Variants in EPHA10 observed in about 807,000 individuals in gnomAD.
EPHA10 encodes the protein ephrin type-A receptor 10.
In EPHA10, 120 loss-of-function variants were observed where a neutral mutation model predicts 109.7. The ratio of observed to expected loss-of-function variants is 1.09; its 90% CI spans 0.94 to 1.27. The LOEUF (loss-of-function observed/expected upper bound fraction) is 1.27. Ranked by LOEUF, EPHA10 falls within the 50% of genes most tolerant of loss-of-function variation. The pLI, the probability that EPHA10 is intolerant of heterozygous loss-of-function variation, is 0.00. For synonymous variants in EPHA10, 640 were observed against 618.9 expected, an observed-to-expected ratio of 1.03 and a Z score of -0.51; for missense variants, 1,396 against 1,411.1, an observed-to-expected ratio of 0.99 and a Z score of 0.17.
rs1194933497 is a variant in EPHA10 at position 37,723,311 on chromosome 1, A to AGTGGAAAT, written c.1826_1833dup (p.Phe612IlefsTer66). The AGTGGAAAT allele has an allele frequency of 2.5e-6, 4 of 1,613,972 alleles. No homozygotes were observed. Among genetic ancestry groups the AGTGGAAAT allele is most frequent in the Non-Finnish European group, 3.4e-6 (4 of 1,179,996 alleles). ...CCCCAGCCAGGCCCAGCCAACTCAC[A>AGTGGAAAT]GTGGAAATACAGCTCCTCTTCATCA... is the stretch of plus-strand genomic sequence containing the variant. On this transcript the variant is annotated frameshift_variant and splice_region_variant, in exon 9 of 17. Coordinates refer to ENST00000373048, the MANE Select transcript of EPHA10 (RefSeq NM_001099439.2). LOFTEE classifies it high-confidence loss of function.
intron 3 of EPHA10, chr1:37,761,068 A>T: frequency 1.0e-6 from 1 of 963,466 alleles, no homozygotes; most frequent in Non-Finnish European, 1.3e-6. Flanking sequence ...TGGGCAACAG[A>T]GCAAGAGAGA....
Position 37,723,041 on chromosome 1 carries a change from C to T in EPHA10, c.1960G>A (p.Gly654Arg), listed in dbSNP as rs1330670829. The change falls in exon 10 of 17, where the codon GGG becomes AGG. Residue 654 changes from glycine (G) to arginine (R), a missense_variant and splice_region_variant. Transcript: ENST00000373048. ...SVTLERSLGG[G>R]RFGELCCGCL... ...AAGGCTTCCTGGGCGCCCAGCTTGC[C>T]TCCTCCAAGGCTCCTCTCCAGCGTG... 2 of 1,614,008 alleles carry T rather than the reference C, an allele frequency of 1.2e-6. No individual in the cohort carries two copies. Among genetic ancestry groups the T allele is most frequent in the Non-Finnish European group, 1.7e-6 (2 of 1,180,042 alleles).
Position 37,762,831 on chromosome 1 carries a change from T to G in EPHA10, c.125A>C (p.Lys42Thr). ...CCAGCCCAGCTCGGCCTGGGAGGCT[T>G]TGGAATCCAGGAGGATAACTAAGGA... ...TAEEVILLDSKASQAELGWTA... is the reference protein window; with the variant it reads ...TAEEVILLDSTASQAELGWTA... Residue 42 changes from lysine (K) to threonine (T), a missense_variant, in exon 2 of 17, where the codon AAA becomes ACA. Transcript: ENST00000373048. 2 of 1,553,240 alleles carry G rather than the reference T, an allele frequency of 1.3e-6. No individual in the cohort carries two copies. Among genetic ancestry groups the G allele is most frequent in the Non-Finnish European group, 1.7e-6 (2 of 1,147,624 alleles).
intron 5 of EPHA10, among the ~76,000 whole-genome samples, chr1:37,746,958 GAGGAGGTGGATGGAA>G (rs1368636284): frequency 2.6e-5 from 4 of 152,208 alleles, no homozygotes; most frequent in African/African-American, 9.6e-5. Flanking sequence ...CCAAGAGCTA[GAGGAGGTGGATGGAA>G]TGGTGAGTGA....
intron 5 of EPHA10, among the ~76,000 whole-genome samples, chr1:37,750,030 A>G (rs1646299132): frequency 6.6e-6 from 1 of 152,236 alleles, no homozygotes; most frequent in Admixed American, 6.5e-5. Context: ...GCATGACTGT[A>G]TTAAAACAAA....
intron 12 of EPHA10, 113 bp from the exon 13 acceptor site, chr1:37,720,667 G>A: frequency 1.3e-6 from 2 of 1,537,494 alleles, no homozygotes; most frequent in South Asian, 2.4e-5. Flanking sequence ...TGTGACCACA[G>A]GTCAGCCCGG....
At chr1:37,760,171 T>A in intron 3 of EPHA10, 1 of 613,772 alleles carries the variant, frequency 1.6e-6, no homozygotes, top group Non-Finnish European at 2.1e-6. Context: ...CTCTTGTGAT[T>A]TTTAAATTTT....
At chr1:37,718,961 T>C in intron 15 of EPHA10, 145 bp from the exon 16 acceptor site, 3 of 1,045,914 alleles carry the variant, frequency 2.9e-6, no homozygotes, top group Non-Finnish European at 4.1e-6. Flanking sequence ...ACATGAGCAC[T>C]GTGCATTCGT....
intron 5 of EPHA10, among the ~76,000 whole-genome samples, chr1:37,750,065 C>A (rs1557553695): frequency 1.3e-5 from 2 of 152,080 alleles, no homozygotes; most frequent in African/African-American, 2.4e-5. Flanking sequence ...TAGATAGTTA[C>A]AAATATGAAT....
chr1:37,747,568 A>AAC (rs1303890812), intron 5 of EPHA10, among the ~76,000 whole-genome samples: 1 of 151,282 alleles, frequency 6.6e-6, no homozygotes, highest in Non-Finnish European at 1.5e-5. Context: ...AAAAAAAAAA[A>AAC]AACTTCAGGA....
chr1:37,746,676 A>G (rs1646246834), intron 5 of EPHA10, among the ~76,000 whole-genome samples: 1 of 152,222 alleles, frequency 6.6e-6, no homozygotes, highest in African/African-American at 2.4e-5. Flanking sequence ...AATATTCATA[A>G]TAGTATTATT....
intron 8 of EPHA10, among the ~76,000 whole-genome samples, chr1:37,724,719 G>C (rs1645858510): frequency 6.6e-6 from 1 of 152,212 alleles, no homozygotes; most frequent in Non-Finnish European, 1.5e-5. Context: ...AGATGGGAAG[G>C]AGGAGCTAGG....
chr1:37,758,961 G>C (rs1039721653), intron 3 of EPHA10, among the ~76,000 whole-genome samples: 1 of 152,092 alleles, frequency 6.6e-6, no homozygotes, highest in Non-Finnish European at 1.5e-5. Context: ...TGTATCACAT[G>C]GTCACTAAGT....
At chr1:37,720,633 C>A in intron 12 of EPHA10, 79 bp from the exon 13 acceptor site, 1 of 1,540,498 alleles carries the variant, frequency 6.5e-7, no homozygotes, top group Non-Finnish European at 8.8e-7. Context: ...GGTCACCTAG[C>A]TCTCGCCAGG....
At position 37,762,817 on chromosome 1, in the gene EPHA10, C is replaced by T. The variant is rs773480694; in HGVS notation, c.139G>A (p.Glu47Lys). The change falls in exon 2 of 17, where the codon GAG (glutamate) becomes AAG (lysine). Residue 47 changes from glutamate (E) to lysine (K), a missense_variant. Physicochemically the swap from Glu to Lys is moderately conservative, Grantham distance 56. Transcript: ENST00000373048. ...ILLDSKASQAELGWTALPSNG... is the reference protein window; with the variant it reads ...ILLDSKASQAKLGWTALPSNG... ...CTTGGCAGTGCAGTCCAGCCCAGCTCGGCCTGGGAGGCTTTGGAATCCAGG... is the reference window on the plus strand; with the variant it reads ...CTTGGCAGTGCAGTCCAGCCCAGCTTGGCCTGGGAGGCTTTGGAATCCAGG... 3.2e-5 allele frequency: 50 copies of T among 1,553,720 alleles called. No individual in the cohort carries two copies. Among genetic ancestry groups the T allele is most frequent in the Admixed American group, 2.9e-4 (15 of 51,378 alleles).
chr1:37,752,056 T>C (rs1203214908), intron 5 of EPHA10, among the ~76,000 whole-genome samples: 2 of 152,084 alleles, frequency 1.3e-5, no homozygotes, highest in Non-Finnish European at 2.9e-5. Context: ...AAAGCAGGGA[T>C]GCAGGGTGAC....
intron 3 of EPHA10, among the ~76,000 whole-genome samples, chr1:37,757,183 C>G (rs1449362464): frequency 2.6e-5 from 4 of 152,150 alleles, no homozygotes; most frequent in African/African-American, 7.2e-5. Flanking sequence ...CCAAAGGAAA[C>G]CCCAGCTCTT....
Position 37,727,196 on chromosome 1 carries a change from TGGACCCTGAGGCAGCTGGGA to T in EPHA10, c.1664-6_1677del, listed in dbSNP as rs1280175553. ...ACGACAATGGCGGGGCTCTGGTCCC[TGGACCCTGAGGCAGCTGGGA>T]GGAAAATCACGAGGTTGAGGCAGGC... On this transcript the variant is annotated splice_acceptor_variant and splice_polypyrimidine_tract_variant and coding_sequence_variant and intron_variant, in exon 8 of 17. Coordinates refer to ENST00000373048, the MANE Select transcript of EPHA10 (RefSeq NM_001099439.2). LOFTEE classifies it high-confidence loss of function. 1.2e-6 allele frequency: 2 copies of T among 1,605,624 alleles called. No individual in the cohort carries two copies. Among genetic ancestry groups the T allele is most frequent in the East Asian group, 4.5e-5 (2 of 44,362 alleles).
chr1:37,746,163 C>T (rs904394328), intron 5 of EPHA10, among the ~76,000 whole-genome samples: 12 of 148,744 alleles, frequency 8.1e-5, no homozygotes, highest in Admixed American at 1.4e-4. Flanking sequence ...CGCAATGGCA[C>T]GACCTCGGTT....
Sources: allele counts gnomAD v4.1 joint callset (sites outside exome capture counted in the v4.1 genomes callset), GRCh38; gene constraint gnomAD v4.1.1; transcripts MANE v1.5; gene names NCBI Gene and HGNC (gene_info 2026-07-23, HGNC 2026-07-21).